The following ABCC4 variants were observed in gnomAD, a reference collection of about 807,000 sequenced individuals.
ABCC4 encodes ATP-binding cassette sub-family C member 4.
Under a neutral mutation model 168.5 loss-of-function variants are expected in ABCC4, and 102 were observed. The ratio of observed to expected loss-of-function variants is 0.61; its 90% CI spans 0.52 to 0.71. The LOEUF is 0.71. Ranked by LOEUF, ABCC4 falls within the 30% of genes least tolerant of loss-of-function variation. The probability of loss-of-function intolerance (pLI) is 0.00; values close to 1 mark genes in which losing one functional copy is unlikely to be tolerated. For synonymous variants in ABCC4, 617 were observed against 590.7 expected, an observed-to-expected ratio of 1.04 and a Z score of -0.65; for missense variants, 1,402 against 1,605.8, an observed-to-expected ratio of 0.87 and a Z score of 2.17.
At chr13:95,166,519 G>C in intron 14 of ABCC4, 152 bp from the exon 15 acceptor site, 1 of 664,240 alleles carries the variant, frequency 1.5e-6, no homozygotes, top group Non-Finnish European at 2.5e-6. Flanking sequence ...AATTCAACTT[G>C]ATACACAACT....
At chr13:95,258,055 A>C (rs1594393640) in intron 1 of ABCC4, among the ~76,000 whole-genome samples, 1 of 152,082 alleles carries the variant, frequency 6.6e-6, no homozygotes, top group Non-Finnish European at 1.5e-5. Context: ...CAAGAACCAG[A>C]TCCCATTTGT....
chr13:95,270,580 G>A (rs2040822846), intron 1 of ABCC4, among the ~76,000 whole-genome samples: 1 of 152,172 alleles, frequency 6.6e-6, no homozygotes, highest in Non-Finnish European at 1.5e-5. Flanking sequence ...TCTACCAGCA[G>A]CAGCCCAGCG....
chr13:95,039,456 T>C (rs919839934), intron 29 of ABCC4, among the ~76,000 whole-genome samples: 2 of 152,210 alleles, frequency 1.3e-5, no homozygotes, highest in Non-Finnish European at 2.9e-5. Context: ...TCATATCTTC[T>C]GTAGCTACAT....
At chr13:95,268,976 A>G (rs1383813522) in intron 1 of ABCC4, among the ~76,000 whole-genome samples, 1 of 152,112 alleles carries the variant, frequency 6.6e-6, no homozygotes, top group African/African-American at 2.4e-5. Context: ...AAACACCCAC[A>G]GGTGTGGAGG....
intron 19 of ABCC4, among the ~76,000 whole-genome samples, chr13:95,160,570 G>C (rs2037064439): frequency 6.6e-6 from 1 of 152,152 alleles, no homozygotes; most frequent in East Asian, 1.9e-4. Context: ...CTCTATTATA[G>C]AACCAAAAGT....
At chr13:95,064,610 C>T (rs1462226518) in intron 25 of ABCC4, among the ~76,000 whole-genome samples, 1 of 151,818 alleles carries the variant, frequency 6.6e-6, no homozygotes, top group Non-Finnish European at 1.5e-5. Flanking sequence ...AATGTGTGGA[C>T]ACTCATGTTA....
intron 1 of ABCC4, among the ~76,000 whole-genome samples, chr13:95,291,815 C>T (rs1433180727): frequency 2.6e-5 from 4 of 152,144 alleles, no homozygotes; most frequent in East Asian, 1.9e-4. Context: ...GGTGTGGTGG[C>T]GCGTGCCTGT....
At chr13:95,029,898 G>T (rs1039033228) in intron 30 of ABCC4, among the ~76,000 whole-genome samples, 1 of 152,120 alleles carries the variant, frequency 6.6e-6, no homozygotes, top group Non-Finnish European at 1.5e-5. Flanking sequence ...GGTGACTTCT[G>T]TAAGGCCATT....
intron 20 of ABCC4, among the ~76,000 whole-genome samples, chr13:95,086,164 C>T (rs2034252773): frequency 6.6e-6 from 1 of 150,424 alleles, no homozygotes; most frequent in African/African-American, 2.5e-5. Flanking sequence ...CAGCTCCCAG[C>T]TAATTAGGAA....
At chr13:95,174,395 C>G (rs1345801880) in intron 13 of ABCC4, among the ~76,000 whole-genome samples, 1 of 152,210 alleles carries the variant, frequency 6.6e-6, no homozygotes, top group Non-Finnish European at 1.5e-5. Context: ...ATTGTTCAAT[C>G]CAATTTTCTA....
At chr13:95,159,574 G>T (rs957496855) in intron 19 of ABCC4, among the ~76,000 whole-genome samples, 3 of 152,098 alleles carry the variant, frequency 2.0e-5, no homozygotes, top group Non-Finnish European at 4.4e-5. Flanking sequence ...TGAGCATTCC[G>T]AGGCCTGTGA....
At chr13:95,092,588 G>A (rs1455376063) in intron 20 of ABCC4, among the ~76,000 whole-genome samples, 5 of 152,102 alleles carry the variant, frequency 3.3e-5, no homozygotes, top group Non-Finnish European at 5.9e-5. Flanking sequence ...GTACTAAGAG[G>A]AAAGTTCATA....
In ABCC4 at chr13:95,228,021, T is replaced by C. The variant is rs150025774; in HGVS notation, c.531+6589A>G. 2.0e-5 allele frequency among the ~76,000 whole-genome samples: 3 copies of C among 152,340 alleles called. No homozygotes were observed. In the South Asian group the frequency reaches 6.2e-4, roughly 32 times the overall value. On this transcript the variant is annotated intron_variant, in intron 4 of 30. Transcript: ENST00000645237. ...CACTGCACCCGGCCCTGAATATCTG[T>C]AATTTCATACTATTCAGTCTAAATA... is the stretch of plus-strand genomic sequence containing the variant.
intron 20 of ABCC4, among the ~76,000 whole-genome samples, chr13:95,084,140 G>T (rs1311409924): frequency 1.3e-5 from 2 of 152,198 alleles, no homozygotes; most frequent in Admixed American, 1.3e-4. Flanking sequence ...ACTGAATGCT[G>T]ATTGTATATC....
intron 26 of ABCC4, among the ~76,000 whole-genome samples, chr13:95,060,919 C>T (rs557052902): frequency 6.6e-6 from 1 of 152,250 alleles, no homozygotes; most frequent in African/African-American, 2.4e-5. Flanking sequence ...CTTCCCTCAG[C>T]CCCTGGTGAC....
chr13:95,259,043 G>A (rs554290912), intron 1 of ABCC4, among the ~76,000 whole-genome samples: 4 of 152,134 alleles, frequency 2.6e-5, no homozygotes, highest in African/African-American at 9.6e-5. Context: ...CTGGGTGCAG[G>A]GAGACACAAT....
chr13:95,166,075 C>A, intron 15 of ABCC4, 83 bp downstream of exon 15: 1 of 1,257,594 alleles, frequency 8.0e-7, no homozygotes, highest in Non-Finnish European at 1.1e-6. Context: ...AAAGATGAAG[C>A]TTTGAACAGA....
intron 30 of ABCC4, among the ~76,000 whole-genome samples, chr13:95,030,710 A>G (rs7319001): frequency 0.97 from 147,865 of 152,184 alleles, 72,011 homozygotes; most frequent in East Asian, 1. Flanking sequence ...AGGCCTCAGA[A>G]GAAAGCAGCT....
intron 25 of ABCC4, 144 bp downstream of exon 25, chr13:95,071,518 T>G: frequency 1.5e-6 from 1 of 649,690 alleles, no homozygotes; most frequent in Non-Finnish European, 2.3e-6. Context: ...GGAAGAATGT[T>G]GGTATCCACA....
Sources: gnomAD v4.1 joint callset for allele counts (sites outside exome capture counted in the v4.1 genomes callset) on GRCh38, gnomAD v4.1.1 for gene constraint, MANE v1.5 for transcripts, NCBI Gene and HGNC (gene_info 2026-07-23, HGNC 2026-07-21) for gene names.